The following ABHD14A variants were observed in gnomAD, a reference collection of about 807,000 sequenced individuals.
The protein encoded by ABHD14A is abhydrolase domain containing 14A.
Under a neutral mutation model 27.0 loss-of-function variants are expected in ABHD14A, and 19 were observed. The ratio of observed to expected loss-of-function variants is 0.70; its 90% CI spans 0.49 to 1.03. The LOEUF (loss-of-function observed/expected upper bound fraction) is 1.03, where lower values mean the gene tolerates loss of function less well. ABHD14A is among the 50% of genes least tolerant of loss of function. The probability of loss-of-function intolerance (pLI) is 0.00; values close to 1 mark genes in which losing one functional copy is unlikely to be tolerated. For synonymous variants in ABHD14A, 148 were observed against 158.8 expected (o/e 0.93, Z 0.51); for missense variants, 311 against 344.6 (o/e 0.90, Z 0.77).
Position 51,980,853 on chromosome 3 carries a change from G to T in ABHD14A, c.651G>T (p.Leu217=), listed in dbSNP as rs754974945. The change falls in exon 5 of 5, where the codon CTG becomes CTT. Residue 217 remains leucine (L), a synonymous_variant. Coordinates refer to ENST00000273596, the MANE Select transcript of ABHD14A (RefSeq NM_015407.5). ...CCCTGCAGACTCCAACCCTTATCCT[G>T]TATGGAGAGCTGGACCACATCCTGG... ...FWAVKTPTLI[L]YGELDHILAR... 4.3e-6 allele frequency: 7 copies of T among 1,613,862 alleles called. No homozygotes were observed. The African/African-American group carries it at 5.3e-5, about 12-fold the overall frequency.
Position 51,975,131 on chromosome 3 carries a change from C to G in ABHD14A, c.-5C>G. Reference sequence around the variant, plus strand: ...GGAGCGGCCCGCGGAGCTGCGGAGGCAGCCATGGTCGGGGCGCTGTGCGGC... The same window carrying G: ...GGAGCGGCCCGCGGAGCTGCGGAGGGAGCCATGGTCGGGGCGCTGTGCGGC... On this transcript the variant is annotated 5_prime_UTR_variant, in exon 1 of 5. Transcript: ENST00000273596. The G allele has an allele frequency of 7.7e-7, 1 of 1,292,520 alleles. No individual in the cohort carries two copies. The highest frequency in any genetic ancestry group is 9.8e-7 in the Non-Finnish European group (1 of 1,020,016). 80.1% of individuals were successfully genotyped at this position (1,292,520 alleles called of 1,614,324 possible).
intron 3 of ABHD14A, among the ~76,000 whole-genome samples, chr3:51,979,271 C>T (rs1700859783): frequency 6.6e-6 from 1 of 152,152 alleles, no homozygotes; most frequent in Non-Finnish European, 1.5e-5. Context: ...TTGTTGTCAA[C>T]CCTGCAGTGT....
In ABHD14A at chr3:51,975,128, A is replaced by G. The variant is rs963818493; in HGVS notation, c.-8A>G. ...GCCGGAGCGGCCCGCGGAGCTGCGG[A>G]GGCAGCCATGGTCGGGGCGCTGTGC... On this transcript the variant is annotated 5_prime_UTR_variant, in exon 1 of 5. Transcript: ENST00000273596. The G allele has an allele frequency of 2.3e-6, 3 of 1,292,034 alleles. No individual in the cohort carries two copies. Among genetic ancestry groups the G allele is most frequent in the African/African-American group, 1.5e-5 (1 of 64,582 alleles). The allele number at this position is 1,292,034 out of a possible 1,614,324, so 80.0% of individuals were successfully genotyped here. A position where few individuals can be genotyped will look rare whatever the true frequency, so the allele number is the denominator to read the frequency against.
chr3:51,980,346 G>A, intron 3 of ABHD14A, 47 bp from the exon 4 acceptor site: 1 of 1,579,084 alleles, frequency 6.3e-7, no homozygotes, highest in Non-Finnish European at 8.7e-7. Flanking sequence ...AGGAAGTCCT[G>A]TGCCCCTTCC....
chr3:51,979,001 G>A, intron 3 of ABHD14A: 3 of 261,258 alleles, frequency 1.1e-5, no homozygotes, highest in South Asian at 9.0e-5. Flanking sequence ...TCGAGTCATA[G>A]AGGATTAAAA....
rs368171899 is a variant in ABHD14A at position 51,980,463 on chromosome 3, G to T, written c.468G>T (p.Ala156=). The T allele has an allele frequency of 3.7e-6, 6 of 1,613,530 alleles. No homozygotes were observed. In the Admixed American group the frequency reaches 8.3e-5, roughly 22 times the overall value. ...EAGRAALLER[A]LRDLEVQNAV... Reference sequence around the variant, plus strand: ...GGCGGGCAGCGCTGCTGGAGCGGGCGCTGCGGGACCTGGAGGTACAGAATG... The same window carrying T: ...GGCGGGCAGCGCTGCTGGAGCGGGCTCTGCGGGACCTGGAGGTACAGAATG... The change falls in exon 4 of 5, where the codon GCG becomes GCT. Residue 156 remains alanine, a synonymous_variant. Coordinates refer to ENST00000273596, the MANE Select transcript of ABHD14A (RefSeq NM_015407.5).
chr3:51,979,358 A>C (rs780151538), intron 3 of ABHD14A, among the ~76,000 whole-genome samples: 2 of 152,048 alleles, frequency 1.3e-5, no homozygotes, highest in Non-Finnish European at 2.9e-5. Context: ...TAGTAGCTAA[A>C]GCATCCTTGG....
chr3:51,976,752 A>G (rs1700796289), intron 1 of ABHD14A, among the ~76,000 whole-genome samples: 1 of 152,148 alleles, frequency 6.6e-6, no homozygotes, highest in South Asian at 2.1e-4. Flanking sequence ...AGGCCCAAGA[A>G]ATGACAGGGA....
chr3:51,977,760 G>C (rs985483584), intron 1 of ABHD14A, 111 bp from the exon 2 acceptor site: 6 of 1,037,482 alleles, frequency 5.8e-6, no homozygotes, highest in Non-Finnish European at 8.6e-6. Flanking sequence ...GAAAGGGCAA[G>C]GGCTGGAGCT....
chr3:51,978,650 G>A (rs1251202363), intron 3 of ABHD14A: 1 of 246,356 alleles, frequency 4.1e-6, no homozygotes, highest in South Asian at 5.0e-5. Context: ...AGAGTACAAT[G>A]GCACAATCTC....
chr3:51,975,585 GTGTGTGTGTGCGTGTCTGCTTTCC>G (rs955808227), intron 1 of ABHD14A, among the ~76,000 whole-genome samples: 9 of 151,952 alleles, frequency 5.9e-5, no homozygotes, highest in African/African-American at 2.2e-4. Flanking sequence ...CTGGGGGTTT[GTGTGTGTGTGCGTGTCTGCTTTCC>G]TGTGCATGTG....
Position 51,975,100 on chromosome 3 carries a change from A to G in ABHD14A, c.-36A>G. On this transcript the variant is annotated 5_prime_UTR_variant, in exon 1 of 5. The change abolishes the stop of an existing upstream ORF in the 5' untranslated region. Coordinates refer to ENST00000273596, the MANE Select transcript of ABHD14A (RefSeq NM_015407.5). ...GAGATGGCCGCGCTCCTGGCCGCCTAGAGCCGGAGCGGCCCGCGGAGCTGC... is the reference window on the plus strand; with the variant it reads ...GAGATGGCCGCGCTCCTGGCCGCCTGGAGCCGGAGCGGCCCGCGGAGCTGC... 1.6e-6 allele frequency: 2 copies of G among 1,283,208 alleles called. No individual in the cohort carries two copies. Among genetic ancestry groups the G allele is most frequent in the Non-Finnish European group, 9.9e-7 (1 of 1,014,660 alleles). The allele number at this position is 1,283,208 out of a possible 1,614,324, so 79.5% of individuals were successfully genotyped here.
At chr3:51,977,368 G>A (rs1204827275) in intron 1 of ABHD14A, among the ~76,000 whole-genome samples, 1 of 152,100 alleles carries the variant, frequency 6.6e-6, no homozygotes, top group Admixed American at 6.6e-5. Context: ...TTGGCAAACC[G>A]AGTGTGGCCT....
At chr3:51,980,714 G>A (rs1700893610) in intron 4 of ABHD14A, 86 bp downstream of exon 4, 5 of 1,557,158 alleles carry the variant, frequency 3.2e-6, no homozygotes, top group Non-Finnish European at 4.4e-6. Context: ...GGAGGGACAT[G>A]GCCTTATCCC....
At chr3:51,979,766 G>A (rs1700874556) in intron 3 of ABHD14A, among the ~76,000 whole-genome samples, 2 of 151,882 alleles carry the variant, frequency 1.3e-5, no homozygotes, top group Admixed American at 1.3e-4. Context: ...ACAGGCATGA[G>A]CCACCGCGCC....
In ABHD14A at chr3:51,981,062, T is replaced by G. The variant is rs1666687560; in HGVS notation, c.*44T>G. On this transcript the variant is annotated 3_prime_UTR_variant, in exon 5 of 5. Transcript: ENST00000273596. The stretch of plus-strand genomic sequence containing the variant: ...CCCAGCCTGGCATGAGCTTGGACAG[T>G]CTGGACCGCCACCCTCCCTGAACCA... The G allele has an allele frequency of 6.3e-6, 10 of 1,579,194 alleles. No individual in the cohort carries two copies. Among genetic ancestry groups the G allele is most frequent in the Admixed American group, 1.7e-5 (1 of 59,078 alleles).
At chr3:51,978,135 T>C (rs1018670969) in intron 2 of ABHD14A, 53 bp downstream of exon 2, 4 of 1,568,190 alleles carry the variant, frequency 2.6e-6, no homozygotes, top group African/African-American at 1.4e-5. Flanking sequence ...GGGGAGTCCC[T>C]GTGTGGGACC....
rs1700900845 is a variant in ABHD14A, at chr3:51,981,090, G to A, written c.*72G>A. 1 of 1,536,970 alleles carries A rather than the reference G, an allele frequency of 6.5e-7. No homozygotes were observed. The highest frequency in any genetic ancestry group is 1.8e-5 in the Admixed American group (1 of 56,394). The stretch of plus-strand genomic sequence containing the variant: ...GGACCGCCACCCTCCCTGAACCAGG[G>A]AGACAGCCTCTGGGATTGGAGGCCA... On this transcript the variant is annotated 3_prime_UTR_variant, in exon 5 of 5. Transcript: ENST00000273596.
intron 1 of ABHD14A, among the ~76,000 whole-genome samples, chr3:51,976,722 G>C (rs1700795482): frequency 1.3e-5 from 2 of 152,120 alleles, no homozygotes; most frequent in South Asian, 2.1e-4. Context: ...CTCCTGGAAG[G>C]AAGCAGGCGT....
Sources: gnomAD v4.1 joint callset for allele counts (sites outside exome capture counted in the v4.1 genomes callset) on GRCh38, gnomAD v4.1.1 for gene constraint, MANE v1.5 for transcripts, NCBI Gene and HGNC (gene_info 2026-07-23, HGNC 2026-07-21) for gene names.